The following MLXIP variants were observed in gnomAD, a reference collection of about 807,000 sequenced individuals.
The protein encoded by MLXIP is MLX-interacting protein.
In MLXIP, 30 loss-of-function variants were observed where a neutral mutation model predicts 87.2. That is an observed-to-expected ratio of 0.34 (90% CI 0.26 to 0.47). MLXIP has a LOEUF of 0.47. Among genes scored for constraint, MLXIP ranks in the 20% least tolerant of loss-of-function variants. The pLI, the probability that MLXIP is intolerant of heterozygous loss-of-function variation, is 1.00. For missense variants in MLXIP, 1,002 were observed against 1,240.1 expected, an observed-to-expected ratio of 0.81 and a Z score of 2.88; for synonymous variants, 530 against 514.0, an observed-to-expected ratio of 1.03 and a Z score of -0.42.
In MLXIP at chr12:122,134,767, C is replaced by T. The variant is rs7967005; in HGVS notation, c.1733-457C>T. The T allele has an allele frequency of 5.7e-3, 1,018 of 177,268 alleles. 7 individuals are homozygous for T. Among genetic ancestry groups the T allele is most frequent in the African/African-American group, 0.018 (742 of 41,372 alleles). 11.0% of individuals were successfully genotyped at this position (177,268 alleles called of 1,614,324 possible). On this transcript the variant is annotated intron_variant, in intron 9 of 16. Coordinates refer to ENST00000319080, the MANE Select transcript of MLXIP (RefSeq NM_014938.6). Reference sequence around the variant, plus strand: ...TTGGCTCACTGCAACCTCTGCCTCCCGGGTTCAAGTGATTCTCCTGCCTCA... The same window carrying T: ...TTGGCTCACTGCAACCTCTGCCTCCTGGGTTCAAGTGATTCTCCTGCCTCA...
chr12:122,081,933 G>T (rs533424014), intron 1 of MLXIP, among the ~76,000 whole-genome samples: 19 of 152,188 alleles, frequency 1.2e-4, no homozygotes, highest in African/African-American at 4.6e-4. Context: ...TCTGCTTTTT[G>T]TTGTTGTTGT....
At chr12:122,108,634 C>T (rs899569627) in intron 1 of MLXIP, among the ~76,000 whole-genome samples, 2 of 152,114 alleles carry the variant, frequency 1.3e-5, no homozygotes, top group Admixed American at 1.3e-4. Flanking sequence ...AAGGAGAAGA[C>T]ACAAAATCTC....
At chr12:122,096,582 A>C (rs918199365) in intron 1 of MLXIP, among the ~76,000 whole-genome samples, 1 of 152,190 alleles carries the variant, frequency 6.6e-6, no homozygotes, top group Non-Finnish European at 1.5e-5. Flanking sequence ...AATGGTGGTC[A>C]GCAGGCGCGG....
intron 1 of MLXIP, among the ~76,000 whole-genome samples, chr12:122,095,887 A>G (rs1033381793): frequency 6.6e-6 from 1 of 151,116 alleles, no homozygotes; most frequent in African/African-American, 2.4e-5. Flanking sequence ...TTTTTTTGAG[A>G]CAGAATCTCG....
chr12:122,144,886 CA>C lies in MLXIP; in HGVS notation c.*3085del, dbSNP rs1015498861. The C allele has an allele frequency of 1.0e-3, 146 of 141,366 alleles. No individual in the cohort carries two copies. The highest frequency in any genetic ancestry group is 9.9e-4 in the Admixed American group (14 of 14,142). The allele number at this position is 141,366 out of a possible 1,614,324, so 8.8% of individuals were successfully genotyped here. On this transcript the variant is annotated 3_prime_UTR_variant, in exon 17 of 17. Coordinates refer to ENST00000319080, the MANE Select transcript of MLXIP (RefSeq NM_014938.6). Reference sequence around the variant, plus strand: ...TGGGTGACAGAGCAAAACCCTATCTCAAAAAAAAAAAGAAGAAAAAAATAGA... The same window carrying C: ...TGGGTGACAGAGCAAAACCCTATCTCAAAAAAAAAAGAAGAAAAAAATAGA...
intron 1 of MLXIP, among the ~76,000 whole-genome samples, chr12:122,123,314 G>T (rs981900675): frequency 3.9e-5 from 6 of 152,182 alleles, no homozygotes; most frequent in African/African-American, 1.4e-4. Flanking sequence ...GACCCTTTCC[G>T]GCCCGCCGTG....
In MLXIP at chr12:122,130,908, C is replaced by T. The variant is rs772187741; in HGVS notation, c.975C>T (p.Phe325=). 1 of 1,613,680 alleles carries T rather than the reference C, an allele frequency of 6.2e-7. No homozygotes were observed. Among genetic ancestry groups the T allele is most frequent in the Non-Finnish European group, 8.5e-7 (1 of 1,179,588 alleles). The change falls in exon 7 of 17, where the codon TTC becomes TTT. Residue 325 remains phenylalanine, a synonymous_variant. Transcript: ENST00000319080. ...TTCCTTTGCAGCCTAACCTGGACTT[C>T]ATGGACACCTTTGAGCCTTTCCAGG... The part of the protein sequence containing the change: ...GLIPLQPNLD[F]MDTFEPFQDL...
chr12:122,135,722 G>A lies in MLXIP; in HGVS notation c.2032+56G>A, dbSNP rs957849983. On this transcript the variant is annotated intron_variant, in intron 11 of 16. Transcript: ENST00000319080. This position sits in a 1 kb window ranked among gnomAD's most constrained non-coding sequence, Gnocchi z 5.3. Reference sequence around the variant, plus strand: ...CATCGCAAGGGAAGTAACTGGGCCTGCCGTAGACCATGGGGGGTGCTTGCT... The same window carrying A: ...CATCGCAAGGGAAGTAACTGGGCCTACCGTAGACCATGGGGGGTGCTTGCT... 2.1e-6 allele frequency: 3 copies of A among 1,444,202 alleles called. No individual in the cohort carries two copies. Among genetic ancestry groups the A allele is most frequent in the African/African-American group, 2.9e-5 (2 of 69,844 alleles). The allele number at this position is 1,444,202 out of a possible 1,614,324, so 89.5% of individuals were successfully genotyped here.
At chr12:122,107,891 G>A (rs1952545440) in intron 1 of MLXIP, among the ~76,000 whole-genome samples, 1 of 152,264 alleles carries the variant, frequency 6.6e-6, no homozygotes, top group East Asian at 1.9e-4. Flanking sequence ...AGTTGGCCTT[G>A]ATTGGAAGGT....
chr12:122,140,777 A>G (rs1414138362), intron 15 of MLXIP, 177 bp from the exon 16 acceptor site: 2 of 952,308 alleles, frequency 2.1e-6, no homozygotes, highest in African/African-American at 3.2e-5. Flanking sequence ...GAGTGTTTTC[A>G]TGAAGTGGAA....
intron 4 of MLXIP, 109 bp from the exon 5 acceptor site, chr12:122,129,479 G>C (rs1384710140): frequency 8.7e-6 from 11 of 1,270,188 alleles, no homozygotes; most frequent in African/African-American, 1.5e-5. Flanking sequence ...GCCTGGGGAT[G>C]GTGTGAGCAG....
chr12:122,095,131 G>A (rs1384280861), intron 1 of MLXIP, among the ~76,000 whole-genome samples: 4 of 145,994 alleles, frequency 2.7e-5, no homozygotes, highest in East Asian at 4.2e-4. Flanking sequence ...GTGTGGGTAT[G>A]TGTGTGGTGT....
chr12:122,110,801 G>A (rs983250167), intron 1 of MLXIP, among the ~76,000 whole-genome samples: 3 of 151,756 alleles, frequency 2.0e-5, no homozygotes, highest in African/African-American at 7.3e-5. Context: ...AAAAGGGCTG[G>A]GCGCAGTGGC....
At position 122,138,459 on chromosome 12, in the gene MLXIP, G is replaced by A; in HGVS notation, c.2292G>A (p.Glu764=). The part of the protein sequence containing the change: ...SHAITLQKTV[E]YITKLQQERG... ...CCATCACACTGCAGAAGACTGTGGA[G>A]TACATCACCAAGCTGCAGCAGGAGA... Residue 764 remains glutamate, a synonymous_variant, in exon 14 of 17, where the codon GAG becomes GAA. Transcript: ENST00000319080. 6.2e-7 allele frequency: 1 copy of A among 1,613,980 alleles called. No homozygotes were observed. The highest frequency in any genetic ancestry group is 1.7e-4 in the Middle Eastern group (1 of 6,058).
Position 122,121,010 on chromosome 12 carries a change from G to GTTTTTTTT in MLXIP, c.414-6235_414-6228dup, listed in dbSNP as rs1233404015. Among the ~76,000 whole-genome samples, 509 of 109,658 alleles carry GTTTTTTTT rather than the reference G, an allele frequency of 4.6e-3. 5 individuals carry two copies. The highest frequency in any genetic ancestry group is 8.1e-3 in the East Asian group (24 of 2,968). The allele number at this position is 109,658 out of a possible 152,430, so 71.9% of individuals were successfully genotyped here. ...AGCCCCAGAGCCCTCTGCATGCTTGGTTTTTTTTTTTTTTTTTTGAAACGG... is the reference window on the plus strand; with the variant it reads ...AGCCCCAGAGCCCTCTGCATGCTTGGTTTTTTTTTTTTTTTTTTTTTTTTTTGAAACGG... On this transcript the variant is annotated intron_variant, in intron 1 of 16. Coordinates refer to ENST00000319080, the MANE Select transcript of MLXIP (RefSeq NM_014938.6).
chr12:122,141,525 T>C (rs2135996784), intron 16 of MLXIP, 166 bp from the exon 17 acceptor site: 1 of 698,794 alleles, frequency 1.4e-6, no homozygotes, highest in East Asian at 1.3e-4. Context: ...GAGGGGTGAG[T>C]GCCCAGGTCT....
intron 1 of MLXIP, among the ~76,000 whole-genome samples, chr12:122,116,255 G>C (rs1952689679): frequency 6.6e-6 from 1 of 151,370 alleles, no homozygotes; most frequent in Non-Finnish European, 1.5e-5. Flanking sequence ...GTGACTTCCT[G>C]AGAGTCTATA....
Position 122,137,449 on chromosome 12 carries a change from G to T in MLXIP, c.2033-20G>T, listed in dbSNP as rs370052670. 6.2e-6 allele frequency: 10 copies of T among 1,610,254 alleles called. No individual in the cohort carries two copies. The African/African-American group carries it at 1.2e-4, about 19-fold the overall frequency. ...TGAGGGGCCAGGCCTCCGCCCCTCA[G>T]AGGAGTCTGTTCTTACCAGGTCGGG... is the stretch of plus-strand genomic sequence containing the variant. On this transcript the variant is annotated intron_variant, in intron 11 of 16. Coordinates refer to ENST00000319080, the MANE Select transcript of MLXIP (RefSeq NM_014938.6). The surrounding 1 kb of genome is among the most constrained non-coding windows in gnomAD (Gnocchi z 4.1).
At chr12:122,131,005 T>G in intron 7 of MLXIP, 72 bp downstream of exon 7, 1 of 1,030,796 alleles carries the variant, frequency 9.7e-7, no homozygotes, top group South Asian at 1.3e-5. Context: ...GATCGCTGCC[T>G]TCCTTTAAGA....
Sources: gnomAD v4.1 joint callset for allele counts (sites outside exome capture counted in the v4.1 genomes callset) on GRCh38, gnomAD v4.1.1 for gene constraint, Gnocchi (gnomAD v3.1) non-coding constraint, MANE v1.5 for transcripts, NCBI Gene and HGNC (gene_info 2026-07-23, HGNC 2026-07-21) for gene names.